PRKCZ: variants seen among roughly 807,000 people sequenced by gnomAD.
PRKCZ encodes the protein protein kinase C zeta.
Under a neutral mutation model 79.5 loss-of-function variants are expected in PRKCZ, and 33 were observed. That is an observed-to-expected ratio of 0.41 (90% CI 0.31 to 0.55). The LOEUF is 0.55. PRKCZ is among the 20% of genes least tolerant of loss of function. The pLI is 0.19. For missense variants in PRKCZ, 578 were observed against 813.5 expected, an observed-to-expected ratio of 0.71 and a Z score of 3.52; for synonymous variants, 342 against 320.9, an observed-to-expected ratio of 1.07 and a Z score of -0.70.
At chr1:2,176,684 C>T (rs1685558785) in intron 16 of PRKCZ, among the ~76,000 whole-genome samples, 1 of 152,242 alleles carries the variant, frequency 6.6e-6, no homozygotes, top group Non-Finnish European at 1.5e-5. Flanking sequence ...TCCAGGCAGC[C>T]TCGGCCAGCG....
intron 5 of PRKCZ, chr1:2,142,912 A>G (rs1287803256): frequency 6.6e-6 from 1 of 152,190 alleles, no homozygotes; most frequent in Non-Finnish European, 1.5e-5. Context: ...TGATGCCCAC[A>G]TGTGCTGAGG....
chr1:2,056,930 G>A (rs150364419), intron 3 of PRKCZ, among the ~76,000 whole-genome samples: 3,760 of 151,936 alleles, frequency 0.025, 153 homozygotes, highest in African/African-American at 0.087. Context: ...GGGTTTCACC[G>A]TGTTAGCCAG....
intron 4 of PRKCZ, among the ~76,000 whole-genome samples, chr1:2,078,074 C>A (rs1662767374): frequency 6.6e-6 from 1 of 152,204 alleles, no homozygotes; most frequent in Non-Finnish European, 1.5e-5. Context: ...GCAGCTCCCA[C>A]CGATGCCTGC....
At position 2,091,990 on chromosome 1, in the gene PRKCZ, C is replaced by G. The variant is rs556004878; in HGVS notation, c.334+32399C>G. 6.6e-5 allele frequency among the ~76,000 whole-genome samples: 10 copies of G among 151,746 alleles called. No individual in the cohort carries two copies. In the South Asian group the frequency reaches 2.1e-3, roughly 32 times the overall value. On this transcript the variant is annotated intron_variant, in intron 4 of 17. Coordinates refer to ENST00000378567, the MANE Select transcript of PRKCZ (RefSeq NM_002744.6). ...CTCATGTAGAATGGAAAGCGTCGTG[C>G]CAGACAGTGCTTGGTACTTGCAAGA... is the stretch of plus-strand genomic sequence containing the variant.
rs890645672 is a variant in PRKCZ, at chr1:2,074,159, C to T, written c.334+14568C>T. The T allele has an allele frequency of 2.7e-5, 42 of 1,547,238 alleles. 1 individual carries two copies. Among genetic ancestry groups the T allele is most frequent in the South Asian group, 1.9e-4 (16 of 83,838 alleles). On this transcript the variant is annotated intron_variant, in intron 4 of 17. Transcript: ENST00000378567. The stretch of plus-strand genomic sequence containing the variant: ...CAGCTCCCAGCAATGTCAGGGGAAA[C>T]GCAGTGAGAGGCTGTTGTTTTGCGG...
rs78631384 is a variant in PRKCZ at position 2,128,917 on chromosome 1, G to A, written c.335-6345G>A. On this transcript the variant is annotated intron_variant, in intron 4 of 17. Transcript: ENST00000378567. This position sits in a 1 kb window ranked among gnomAD's most constrained non-coding sequence, Gnocchi z 6.5. ...CGGTAGTATCTGGGGGCCAGGGGCC[G>A]TTTCCAGAGCACACTCCCCAGAAGG... Among the ~76,000 whole-genome samples, 2,153 of 152,270 alleles carry A rather than the reference G, an allele frequency of 0.014. 41 individuals are homozygous for A. The highest frequency in any genetic ancestry group is 0.049 in the African/African-American group (2,023 of 41,542).
rs780105306 is a variant in PRKCZ at position 2,082,368 on chromosome 1, C to T, written c.334+22777C>T. 2.8e-5 allele frequency: 13 copies of T among 456,156 alleles called. No individual in the cohort carries two copies. Among genetic ancestry groups the T allele is most frequent in the South Asian group, 9.3e-5 (6 of 64,562 alleles). 28.3% of individuals were successfully genotyped at this position (456,156 alleles called of 1,614,324 possible). On this transcript the variant is annotated intron_variant, in intron 4 of 17. Coordinates refer to ENST00000378567, the MANE Select transcript of PRKCZ (RefSeq NM_002744.6). The surrounding 1 kb of genome is among the most constrained non-coding windows in gnomAD (Gnocchi z 4.4). Reference sequence around the variant, plus strand: ...TTCAAGTTGCCGGCTACCCGGCTGCCGTAGACAGAGTGAAGTCTGGTAGTT... The same window carrying T: ...TTCAAGTTGCCGGCTACCCGGCTGCTGTAGACAGAGTGAAGTCTGGTAGTT...
intron 10 of PRKCZ, among the ~76,000 whole-genome samples, chr1:2,166,057 T>C (rs1022181801): frequency 1.3e-5 from 2 of 152,232 alleles, no homozygotes; most frequent in African/African-American, 2.4e-5. Context: ...TCCTGAGAGC[T>C]GCACTTTGTC....
In PRKCZ at chr1:2,106,542, CCA is replaced by C. The variant is rs1557574412; in HGVS notation, c.335-28716_335-28715del. ...AAGCCCCTCTGGTGGGCGAGGACCT[CCA>C]CACGTGTCACCAGGCCAGGTAACTC... is the stretch of plus-strand genomic sequence containing the variant. On this transcript the variant is annotated intron_variant, in intron 4 of 17. Coordinates refer to ENST00000378567, the MANE Select transcript of PRKCZ (RefSeq NM_002744.6). Among the ~76,000 whole-genome samples the C allele has an allele frequency of 2.2e-3, 110 of 49,122 alleles. 7 individuals carry two copies. The highest frequency in any genetic ancestry group is 6.3e-3 in the East Asian group (11 of 1,756). The allele number at this position is 49,122 out of a possible 152,430, so 32.2% of individuals were successfully genotyped here.
At position 2,172,102 on chromosome 1, in the gene PRKCZ, G is replaced by C. The variant is rs147033679; in HGVS notation, c.1109G>C (p.Arg370Thr). The stretch of plus-strand genomic sequence containing the variant: ...ATCGCCCTCAACTTCCTGCACGAGA[G>C]GGGGATCATCTACAGGGACCTGAAG... ...ICIALNFLHE[R>T]GIIYRDLKLD... The change falls in exon 12 of 18, where the codon AGG becomes ACG. Residue 370 changes from arginine (R) to threonine (T), a missense_variant. Arg to Thr is a moderately conservative substitution (Grantham distance 71). Transcript: ENST00000378567. This position sits in a 1 kb window ranked among gnomAD's most constrained non-coding sequence, Gnocchi z 7.8. 1.2e-6 allele frequency: 2 copies of C among 1,613,330 alleles called. No homozygotes were observed. The highest frequency in any genetic ancestry group is 1.7e-6 in the Non-Finnish European group (2 of 1,179,930).
intron 4 of PRKCZ, among the ~76,000 whole-genome samples, chr1:2,085,071 A>G (rs887812676): frequency 6.6e-6 from 1 of 151,072 alleles, no homozygotes; most frequent in African/African-American, 2.4e-5. Context: ...TCCCACCCCA[A>G]CATGACCGAC....
intron 6 of PRKCZ, 74 bp downstream of exon 6, chr1:2,144,415 C>G: frequency 1.3e-6 from 2 of 1,526,866 alleles, no homozygotes; most frequent in Non-Finnish European, 1.8e-6. Flanking sequence ...ATTGTCCAAG[C>G]AGACCTTGGT....
intron 10 of PRKCZ, among the ~76,000 whole-genome samples, chr1:2,164,778 G>T (rs1451381410): frequency 1.3e-5 from 2 of 152,192 alleles, no homozygotes; most frequent in Non-Finnish European, 2.9e-5. Flanking sequence ...CTGTGCGATT[G>T]CCGGGCCTTG....
intron 10 of PRKCZ, among the ~76,000 whole-genome samples, chr1:2,157,191 A>G (rs1021738949): frequency 5.9e-5 from 9 of 152,096 alleles, no homozygotes; most frequent in African/African-American, 2.2e-4. Context: ...TCACGTCCCC[A>G]GGGGCCTGGA....
chr1:2,101,236 C>G (rs911093858), intron 4 of PRKCZ, among the ~76,000 whole-genome samples: 10 of 152,084 alleles, frequency 6.6e-5, no homozygotes, highest in Admixed American at 6.5e-4. Context: ...GATACCATTC[C>G]TTTTGTGTAT....
Position 2,174,900 on chromosome 1 carries a change from C to G in PRKCZ, c.1485+67C>G. 2.0e-6 allele frequency: 3 copies of G among 1,521,882 alleles called. No individual in the cohort carries two copies. The highest frequency in any genetic ancestry group is 2.3e-5 in the South Asian group (2 of 88,836). The allele number at this position is 1,521,882 out of a possible 1,614,324, so 94.3% of individuals were successfully genotyped here. A position where few individuals can be genotyped will look rare whatever the true frequency, so the allele number is the denominator to read the frequency against. On this transcript the variant is annotated intron_variant, in intron 15 of 17. Transcript: ENST00000378567. This position sits in a 1 kb window ranked among gnomAD's most constrained non-coding sequence, Gnocchi z 6.2. The stretch of plus-strand genomic sequence containing the variant: ...CGGTGTTGGTGGGCAGAGGGCCAGG[C>G]ACGGCTGTTGGCCATTTTTTCATGT...
rs1290204844 is a variant in PRKCZ, at chr1:2,185,242, C to T, written c.*233C>T. 1.4e-5 allele frequency: 10 copies of T among 710,760 alleles called. No homozygotes were observed. The highest frequency in any genetic ancestry group is 2.4e-5 in the Non-Finnish European group (9 of 382,034). The allele number at this position is 710,760 out of a possible 1,614,324, so 44.0% of individuals were successfully genotyped here. The stretch of plus-strand genomic sequence containing the variant: ...GAGGAACTTGCTGCTGTGCCTGCGT[C>T]GCGGCGGATCCGCGGGGACCCTGCC... On this transcript the variant is annotated 3_prime_UTR_variant, in exon 18 of 18. Coordinates refer to ENST00000378567, the MANE Select transcript of PRKCZ (RefSeq NM_002744.6).
intron 4 of PRKCZ, among the ~76,000 whole-genome samples, chr1:2,113,343 G>A (rs1030987213): frequency 5.3e-5 from 8 of 152,066 alleles, no homozygotes; most frequent in Non-Finnish European, 8.8e-5. Context: ...CCTGTGGATC[G>A]CCAAGTATGT....
chr1:2,113,990 G>C (rs935318731), intron 4 of PRKCZ, among the ~76,000 whole-genome samples: 1 of 152,316 alleles, frequency 6.6e-6, no homozygotes, highest in South Asian at 2.1e-4. Context: ...AGGGCTCCAC[G>C]GGGCTGGCTC....
Sources: allele counts gnomAD v4.1 joint callset (sites outside exome capture counted in the v4.1 genomes callset), GRCh38; gene constraint gnomAD v4.1.1; non-coding constraint Gnocchi (gnomAD v3.1); transcripts MANE v1.5; gene names NCBI Gene and HGNC (gene_info 2026-07-23, HGNC 2026-07-21).